The following DAPL1 variants were observed in gnomAD, a reference collection of about 807,000 sequenced individuals.
DAPL1 encodes death associated protein like 1, also known as death-associated protein-like 1.
DAPL1 carries 17 observed loss-of-function variants against 12.9 expected under a neutral mutation model. That is an observed-to-expected ratio of 1.32 (90% CI 0.90 to 1.98). DAPL1 has a LOEUF of 1.98. Ranked by LOEUF, DAPL1 falls within the 30% of genes most tolerant of loss-of-function variation. The probability of loss-of-function intolerance (pLI) is 0.00; values close to 1 mark genes in which losing one functional copy is unlikely to be tolerated. For synonymous variants in DAPL1, 51 were observed against 42.0 expected, an observed-to-expected ratio of 1.21 and a Z score of -0.82; for missense variants, 157 against 125.7, an observed-to-expected ratio of 1.25 and a Z score of -1.19.
At chr2:158,799,791 T>C (rs372766847) in intron 1 of DAPL1, among the ~76,000 whole-genome samples, 1 of 152,226 alleles carries the variant, frequency 6.6e-6, no homozygotes, top group South Asian at 2.1e-4. Context: ...TACAGCCCTA[T>C]GACAGAGACG....
rs1464219532 is a variant in DAPL1, at chr2:158,815,724, C to A, written c.227C>A (p.Ala76Glu). Reference sequence around the variant, plus strand: ...CTTTAGCTCAACTATAAATTTCCAGCAACAGTGCACATGGCGCATCAAAAA... The same window carrying A: ...CTTTAGCTCAACTATAAATTTCCAGAAACAGTGCACATGGCGCATCAAAAA... Reference protein sequence around the residue: ...ALEKLNYKFPATVHMAHQKPT... With the variant: ...ALEKLNYKFPETVHMAHQKPT... Residue 76 changes from alanine (A) to glutamate (E), a missense_variant, in exon 4 of 4, where the codon GCA becomes GAA. Transcript: ENST00000309950. The A allele has an allele frequency of 3.1e-6, 5 of 1,613,102 alleles. No homozygotes were observed. The Admixed American group carries it at 8.3e-5, about 27-fold the overall frequency.
chr2:158,808,185 G>C (rs1400090877), intron 3 of DAPL1, among the ~76,000 whole-genome samples: 1 of 152,220 alleles, frequency 6.6e-6, no homozygotes, highest in Non-Finnish European at 1.5e-5. Flanking sequence ...GTAGAAGGAA[G>C]ACTTGCTGTT....
At chr2:158,802,130 GAAC>G (rs1217621855) in intron 1 of DAPL1, among the ~76,000 whole-genome samples, 4 of 152,154 alleles carry the variant, frequency 2.6e-5, no homozygotes, top group Non-Finnish European at 4.4e-5. Context: ...GGGTATGGAG[GAAC>G]AACAACTGTC....
chr2:158,806,875 G>T (rs1559043832), intron 2 of DAPL1, among the ~76,000 whole-genome samples, 180 bp from the exon 3 acceptor site: 2 of 151,276 alleles, frequency 1.3e-5, no homozygotes, highest in East Asian at 3.9e-4. Flanking sequence ...TAATAATTTG[G>T]CCTGCAAAGC....
At chr2:158,805,917 C>T (rs1160514793) in intron 2 of DAPL1, among the ~76,000 whole-genome samples, 1 of 148,218 alleles carries the variant, frequency 6.7e-6, no homozygotes, top group African/African-American at 2.4e-5. Context: ...CTTTCAGGGC[C>T]ATTTTAAAAG....
At position 158,804,328 on chromosome 2, in the gene DAPL1, C is replaced by G; in HGVS notation, c.105C>G (p.Thr35=). The change falls in exon 2 of 4, where the codon ACC becomes ACG. Residue 35 remains threonine, a synonymous_variant. Transcript: ENST00000309950. ...TTTCCAAAAAACAAGAAATTGGCAC[C>G]TTGGAAAGACATACCAAAAAAACAG... The part of the protein sequence containing the change: ...MRISKKQEIG[T]LERHTKKTGF... 1 of 1,611,558 alleles carries G rather than the reference C, an allele frequency of 6.2e-7. No homozygotes were observed. The highest frequency in any genetic ancestry group is 8.5e-7 in the Non-Finnish European group (1 of 1,178,748).
At chr2:158,806,985 A>G (rs1575228101) in intron 2 of DAPL1, 70 bp from the exon 3 acceptor site, 2 of 1,145,188 alleles carry the variant, frequency 1.7e-6, no homozygotes, top group East Asian at 4.8e-5. Context: ...ACAGCCCTCT[A>G]TAAATCATGT....
At chr2:158,805,853 T>A (rs2059198014) in intron 2 of DAPL1, among the ~76,000 whole-genome samples, 2 of 148,662 alleles carry the variant, frequency 1.3e-5, no homozygotes, top group Middle Eastern at 3.2e-3. Flanking sequence ...AAGATAGCTC[T>A]TGCCCTAAGT....
intron 1 of DAPL1, among the ~76,000 whole-genome samples, chr2:158,797,388 C>T (rs558859869): frequency 6.6e-6 from 1 of 152,308 alleles, no homozygotes; most frequent in South Asian, 2.1e-4. Flanking sequence ...ATTATCCTCC[C>T]CAATTTCAAG....
intron 3 of DAPL1, 36 bp from the exon 4 acceptor site, chr2:158,815,669 C>T: frequency 7.9e-7 from 1 of 1,259,822 alleles, no homozygotes; most frequent in Non-Finnish European, 1.2e-6. Flanking sequence ...CAAGAAGATC[C>T]AATATGCCTA....
Position 158,815,868 on chromosome 2 carries a change from G to A in DAPL1, c.*47G>A, listed in dbSNP as rs766967756. 7.2e-7 allele frequency: 1 copy of A among 1,394,962 alleles called. No homozygotes were observed. Among genetic ancestry groups the A allele is most frequent in the South Asian group, 1.2e-5 (1 of 86,440 alleles). 86.4% of individuals were successfully genotyped at this position (1,394,962 alleles called of 1,614,324 possible). On this transcript the variant is annotated 3_prime_UTR_variant, in exon 4 of 4. Transcript: ENST00000309950. The stretch of plus-strand genomic sequence containing the variant: ...GTCTGGCCAGCTGCCTCGAATATCT[G>A]ACAGCTTAGCAAAAAGGGCCAAAGC...
At chr2:158,805,369 CA>C (rs1365313367) in intron 2 of DAPL1, among the ~76,000 whole-genome samples, 1 of 152,138 alleles carries the variant, frequency 6.6e-6, no homozygotes, top group East Asian at 1.9e-4. Context: ...CATCACATGA[CA>C]AAAGGGAAGC....
chr2:158,808,432 T>C (rs1206455413), intron 3 of DAPL1, among the ~76,000 whole-genome samples: 2 of 152,052 alleles, frequency 1.3e-5, no homozygotes, highest in African/African-American at 4.8e-5. Context: ...CTTGGAAGAG[T>C]CTCAGCACAG....
chr2:158,806,824 G>A (rs898987721), intron 2 of DAPL1, among the ~76,000 whole-genome samples: 11 of 146,156 alleles, frequency 7.5e-5, no homozygotes, highest in East Asian at 4.1e-4. Context: ...CAACAAGAGC[G>A]AAACTGTGTC....
intron 1 of DAPL1, among the ~76,000 whole-genome samples, chr2:158,798,144 C>T (rs1428796136): frequency 6.6e-6 from 1 of 152,164 alleles, no homozygotes; most frequent in Non-Finnish European, 1.5e-5. Flanking sequence ...TCTATATTTC[C>T]TGCACTTTTT....
At chr2:158,810,967 G>A (rs2059227359) in intron 3 of DAPL1, among the ~76,000 whole-genome samples, 1 of 152,200 alleles carries the variant, frequency 6.6e-6, no homozygotes, top group Non-Finnish European at 1.5e-5. Flanking sequence ...TTATTTTAAG[G>A]CAGGGAGTGA....
chr2:158,795,446 C>A lies in DAPL1; in HGVS notation c.58+16C>A. On this transcript the variant is annotated intron_variant, in intron 1 of 3. Coordinates refer to ENST00000309950, the MANE Select transcript of DAPL1 (RefSeq NM_001017920.3). ...CCTCCTGCAGGTAGGCTGCCACCTG[C>A]CCTCAGTCCTGCAGGCTGTTGCTGC... 1 of 1,553,294 alleles carries A rather than the reference C, an allele frequency of 6.4e-7. No homozygotes were observed. Among genetic ancestry groups the A allele is most frequent in the South Asian group, 1.2e-5 (1 of 84,114 alleles).
At chr2:158,798,242 G>C (rs1025410889) in intron 1 of DAPL1, among the ~76,000 whole-genome samples, 1 of 152,202 alleles carries the variant, frequency 6.6e-6, no homozygotes, top group Non-Finnish European at 1.5e-5. Context: ...TCATTAAAGA[G>C]AGAAGGAAGT....
At chr2:158,803,316 T>C (rs972524817) in intron 1 of DAPL1, among the ~76,000 whole-genome samples, 31 of 152,212 alleles carry the variant, frequency 2.0e-4, no homozygotes. Context: ...TAAGTAATAA[T>C]TGTAAAGAAC....
Sources: allele counts gnomAD v4.1 joint callset (sites outside exome capture counted in the v4.1 genomes callset), GRCh38; gene constraint gnomAD v4.1.1; transcripts MANE v1.5; gene names NCBI Gene and HGNC (gene_info 2026-07-23, HGNC 2026-07-21).